The following MACROD2 variants were observed in gnomAD, a reference collection of about 807,000 sequenced individuals.
MACROD2 encodes the protein mono-ADP ribosylhydrolase 2.
In MACROD2, 36 loss-of-function variants were observed where a neutral mutation model predicts 70.4. The observed-to-expected ratio is 0.51, with a 90% CI of 0.39 to 0.68. The LOEUF is 0.68. Among genes scored for constraint, MACROD2 ranks in the 30% least tolerant of loss-of-function variants. MACROD2 has a pLI of 0.00. For synonymous variants in MACROD2, 172 were observed against 178.8 expected, an observed-to-expected ratio of 0.96 and a Z score of 0.30; for missense variants, 496 against 538.4, an observed-to-expected ratio of 0.92 and a Z score of 0.78.
At chr20:15,956,499 G>A (rs1346745826) in intron 12 of MACROD2, among the ~76,000 whole-genome samples, 1 of 152,184 alleles carries the variant, frequency 6.6e-6, no homozygotes, top group African/African-American at 2.4e-5. Context: ...TGCTCTCTCT[G>A]TAGTGGAAAA....
intron 3 of MACROD2, among the ~76,000 whole-genome samples, chr20:14,398,651 A>G (rs1239062509): frequency 6.6e-6 from 1 of 152,070 alleles, no homozygotes; most frequent in East Asian, 1.9e-4. Flanking sequence ...CTCCTTATAT[A>G]TTCTGGATAT....
intron 5 of MACROD2, among the ~76,000 whole-genome samples, chr20:15,073,429 A>T (rs2075633812): frequency 6.7e-6 from 1 of 150,166 alleles, no homozygotes; most frequent in Admixed American, 6.7e-5. Context: ...TATAAACCCA[A>T]AGACTTGCAC....
At chr20:15,996,596 G>C (rs2066635636) in intron 15 of MACROD2, among the ~76,000 whole-genome samples, 1 of 151,704 alleles carries the variant, frequency 6.6e-6, no homozygotes, top group Non-Finnish European at 1.5e-5. Flanking sequence ...ATATGTTTAG[G>C]ATACTAACCC....
At chr20:14,881,455 G>A (rs149817391) in intron 5 of MACROD2, among the ~76,000 whole-genome samples, 1 of 151,960 alleles carries the variant, frequency 6.6e-6, no homozygotes, top group East Asian at 1.9e-4. Flanking sequence ...TCTATAAAAC[G>A]AGACTCACTG....
At chr20:14,892,400 A>T (rs772113850) in intron 5 of MACROD2, among the ~76,000 whole-genome samples, 4 of 152,078 alleles carry the variant, frequency 2.6e-5, no homozygotes, top group Non-Finnish European at 5.9e-5. Context: ...ACTTAAACCC[A>T]GGAGGTGGAG....
At chr20:15,928,530 G>C (rs2065525359) in intron 10 of MACROD2, among the ~76,000 whole-genome samples, 1 of 152,170 alleles carries the variant, frequency 6.6e-6, no homozygotes. Flanking sequence ...GCTAAGGCTG[G>C]GTTGAAACTG....
intron 8 of MACROD2, among the ~76,000 whole-genome samples, chr20:15,718,524 T>C (rs1362089640): frequency 6.6e-6 from 1 of 152,188 alleles, no homozygotes; most frequent in Non-Finnish European, 1.5e-5. Context: ...TGAAAAGCCA[T>C]CTTTGTTCAG....
intron 5 of MACROD2, among the ~76,000 whole-genome samples, chr20:14,835,830 T>C (rs2073023268): frequency 1.3e-5 from 2 of 152,062 alleles, no homozygotes. Flanking sequence ...GTCCCATCAC[T>C]CATATTGCCT....
chr20:14,398,890 A>G (rs2083607690), intron 3 of MACROD2, among the ~76,000 whole-genome samples: 2 of 151,524 alleles, frequency 1.3e-5, no homozygotes, highest in South Asian at 2.1e-4. Flanking sequence ...TTCCTTTTAT[A>G]TTCCTTTTTT....
At chr20:15,738,195 T>C (rs73107311) in intron 8 of MACROD2, among the ~76,000 whole-genome samples, 34 of 152,264 alleles carry the variant, frequency 2.2e-4, no homozygotes, top group Non-Finnish European at 4.6e-4. Context: ...AACAGTATAA[T>C]TGGACTGCTT....
intron 5 of MACROD2, among the ~76,000 whole-genome samples, chr20:14,732,870 A>G (rs990402156): frequency 6.6e-6 from 1 of 152,146 alleles, no homozygotes; most frequent in Admixed American, 6.5e-5. Flanking sequence ...TAAGGAATGA[A>G]TTAATAAGCT....
intron 4 of MACROD2, among the ~76,000 whole-genome samples, chr20:14,667,665 A>C (rs1305968911): frequency 6.6e-6 from 1 of 152,174 alleles, no homozygotes; most frequent in Non-Finnish European, 1.5e-5. Context: ...CTGGGTAAAA[A>C]GAAAATAGAC....
chr20:14,460,177 A>G (rs574275456), intron 3 of MACROD2, among the ~76,000 whole-genome samples: 1 of 152,254 alleles, frequency 6.6e-6, no homozygotes, highest in Admixed American at 6.5e-5. Context: ...ATAGTGCTGC[A>G]ATAAACATAC....
chr20:14,721,147 C>T (rs537496727), intron 5 of MACROD2, among the ~76,000 whole-genome samples: 14 of 149,346 alleles, frequency 9.4e-5, no homozygotes, highest in African/African-American at 2.2e-4. Flanking sequence ...CCCAGCTACT[C>T]GGGAGGCTGA....
At chr20:14,923,247 A>G (rs928477046) in intron 5 of MACROD2, among the ~76,000 whole-genome samples, 1 of 152,074 alleles carries the variant, frequency 6.6e-6, no homozygotes, top group Non-Finnish European at 1.5e-5. Context: ...TGAACTCCTT[A>G]CCTATCAACA....
intron 6 of MACROD2, among the ~76,000 whole-genome samples, chr20:15,412,037 C>T (rs933695584): frequency 5.3e-5 from 8 of 152,210 alleles, no homozygotes; most frequent in South Asian, 2.1e-4. Context: ...CTGCCTTCTC[C>T]GTTGTTTAGA....
At chr20:15,936,957 C>T (rs1290695440) in intron 11 of MACROD2, among the ~76,000 whole-genome samples, 1 of 152,086 alleles carries the variant, frequency 6.6e-6, no homozygotes, top group Non-Finnish European at 1.5e-5. Flanking sequence ...TTCCTGGTGG[C>T]TTCTGGTGAC....
intron 6 of MACROD2, among the ~76,000 whole-genome samples, chr20:15,251,533 T>A (rs187346290): frequency 3.9e-4 from 59 of 152,230 alleles, no homozygotes; most frequent in Admixed American, 9.2e-4. Flanking sequence ...AGGACTTGGG[T>A]GTAAGTTGCA....
chr20:15,688,510 G>A (rs1467432094), intron 8 of MACROD2, among the ~76,000 whole-genome samples: 1 of 152,214 alleles, frequency 6.6e-6, no homozygotes, highest in African/African-American at 2.4e-5. Context: ...AAAAAGTGAA[G>A]AATGTGGTGT....
Sources: gnomAD v4.1 joint callset for allele counts (sites outside exome capture counted in the v4.1 genomes callset) on GRCh38, gnomAD v4.1.1 for gene constraint, MANE v1.5 for transcripts, NCBI Gene and HGNC (gene_info 2026-07-23, HGNC 2026-07-21) for gene names.